SNX17: variants seen among roughly 807,000 people sequenced by gnomAD.
SNX17 encodes the protein sorting nexin 17.
SNX17 carries 35 observed loss-of-function variants against 64.3 expected under a neutral mutation model. The ratio of observed to expected loss-of-function variants is 0.54; its 90% CI spans 0.42 to 0.72. SNX17 has a LOEUF of 0.72. SNX17 is among the 30% of genes least tolerant of loss of function. The pLI is 0.00. For missense variants in SNX17, 538 were observed against 610.0 expected (o/e 0.88, Z 1.24); for synonymous variants, 259 against 230.2 (o/e 1.13, Z -1.13).
chr2:27,376,607 G>C lies in SNX17; in HGVS notation c.1301G>C (p.Ser434Thr), dbSNP rs1167627798. Reference protein sequence around the residue: ...ATRESMVKLSSKLSAVSLRGI... With the variant: ...ATRESMVKLSTKLSAVSLRGI... ...GACCCCACCCTGCCTTTGTTACAGAGTAAGCTGAGTGCCGTGAGCTTGCGG... is the reference window on the plus strand; with the variant it reads ...GACCCCACCCTGCCTTTGTTACAGACTAAGCTGAGTGCCGTGAGCTTGCGG... Residue 434 changes from serine (S) to threonine (T), a missense_variant and splice_region_variant, in exon 15 of 15, where the codon AGT (serine) becomes ACT (threonine). By Grantham distance (58) the Ser-to-Thr change is moderately conservative. Around this residue, in one of 3 missense-constraint regions of SNX17, gnomAD observed 505 missense variants for 550.4 expected, o/e 0.92. Transcript: ENST00000233575. The C allele has an allele frequency of 1.9e-6, 3 of 1,614,210 alleles. No individual in the cohort carries two copies. Among genetic ancestry groups the C allele is most frequent in the Non-Finnish European group, 2.5e-6 (3 of 1,180,036 alleles).
chr2:27,370,792 G>A lies in SNX17; in HGVS notation c.49G>A (p.Gly17Ser), dbSNP rs1358705877. Residue 17 changes from glycine (G) to serine (S), a missense_variant, in exon 1 of 15, where the codon GGC (glycine) becomes AGC (serine). Coordinates refer to ENST00000233575, the MANE Select transcript of SNX17 (RefSeq NM_014748.4). Reference sequence around the variant, plus strand: ...CGAGTCCCGCAGCGGGGACAGCGGCGGCTCCGCCTACGTGGTGAGGAGCGG... The same window carrying A: ...CGAGTCCCGCAGCGGGGACAGCGGCAGCTCCGCCTACGTGGTGAGGAGCGG... ...ETESRSGDSG[G>S]SAYVAYNIHV... 3 of 1,545,444 alleles carry A rather than the reference G, an allele frequency of 1.9e-6. No individual in the cohort carries two copies. The Admixed American group carries it at 5.9e-5, about 30-fold the overall frequency.
At position 27,374,731 on chromosome 2, in the gene SNX17, G is replaced by A; in HGVS notation, c.654G>A (p.Arg218=). The part of the protein sequence containing the change: ...SAYDDDVMEN[R]VGLNLLYAQT... ...ATGATGACGATGTCATGGAGAACCG[G>A]GTTGGCCTGAACCTGCTTTATGCTC... is the stretch of plus-strand genomic sequence containing the variant. The change falls in exon 8 of 15, where the codon CGG becomes CGA. Residue 218 remains arginine, a synonymous_variant. Transcript: ENST00000233575. 6.2e-7 allele frequency: 1 copy of A among 1,614,126 alleles called. No homozygotes were observed. Among genetic ancestry groups the A allele is most frequent in the South Asian group, 1.1e-5 (1 of 91,084 alleles).
At chr2:27,373,437 A>G (rs1247961573) in intron 4 of SNX17, 126 bp downstream of exon 4, 13 of 919,130 alleles carry the variant, frequency 1.4e-5, no homozygotes, top group East Asian at 1.4e-4. Context: ...ATCTCAGCTC[A>G]CTGCAATCTC....
Position 27,374,099 on chromosome 2 carries a change from G to A in SNX17, c.447G>A (p.Lys149=). Reference sequence around the variant, plus strand: ...CCTATCCCCAGGCTGTAGCTGCAAAGCTGGATCTTCCAGATGACTTGATTG... The same window carrying A: ...CCTATCCCCAGGCTGTAGCTGCAAAACTGGATCTTCCAGATGACTTGATTG... ...TEDVLEAVAA[K]LDLPDDLIGY... is the part of the protein sequence containing the mutation. The change falls in exon 6 of 15, where the codon AAG becomes AAA. Residue 149 remains lysine, a synonymous_variant. Transcript: ENST00000233575. 6.2e-7 allele frequency: 1 copy of A among 1,614,210 alleles called. No individual in the cohort carries two copies. The highest frequency in any genetic ancestry group is 8.5e-7 in the Non-Finnish European group (1 of 1,180,026).
At position 27,377,225 on chromosome 2, in the gene SNX17, T is replaced by C; in HGVS notation, c.*506T>C. ...ATTGCCTGCCATTGCCAATTCAGCA[T>C]AGACATGGCTTTGTTAGTGTTTCCT... On this transcript the variant is annotated 3_prime_UTR_variant, in exon 15 of 15. Coordinates refer to ENST00000233575, the MANE Select transcript of SNX17 (RefSeq NM_014748.4). This position sits in a 1 kb window ranked among gnomAD's most constrained non-coding sequence, Gnocchi z 4.4. 1 of 525,422 alleles carries C rather than the reference T, an allele frequency of 1.9e-6. No homozygotes were observed. Among genetic ancestry groups the C allele is most frequent in the Non-Finnish European group, 3.5e-6 (1 of 288,828 alleles). 32.5% of individuals were successfully genotyped at this position (525,422 alleles called of 1,614,324 possible). A position where few individuals can be genotyped will look rare whatever the true frequency, so the allele number is the denominator to read the frequency against.
chr2:27,371,128 G>T, intron 1 of SNX17, 141 bp from the exon 2 acceptor site: 1 of 791,582 alleles, frequency 1.3e-6, no homozygotes, highest in Non-Finnish European at 2.1e-6. Flanking sequence ...TTGGGACTTG[G>T]CCCTGGCGAA....
chr2:27,374,872 A>G (rs1488942491), intron 8 of SNX17, 114 bp downstream of exon 8: 5 of 1,082,414 alleles, frequency 4.6e-6, no homozygotes, highest in Middle Eastern at 2.0e-4. Context: ...AGTTCCTAGA[A>G]TACTATCAGT....
rs1683341434 is a variant in SNX17, at chr2:27,377,232, G to A, written c.*513G>A. On this transcript the variant is annotated 3_prime_UTR_variant, in exon 15 of 15. Coordinates refer to ENST00000233575, the MANE Select transcript of SNX17 (RefSeq NM_014748.4). This position sits in a 1 kb window ranked among gnomAD's most constrained non-coding sequence, Gnocchi z 4.4. ...GCCATTGCCAATTCAGCATAGACAT[G>A]GCTTTGTTAGTGTTTCCTTTATTAT... 1 of 539,072 alleles carries A rather than the reference G, an allele frequency of 1.9e-6. No individual in the cohort carries two copies. Among genetic ancestry groups the A allele is most frequent in the African/African-American group, 1.9e-5 (1 of 52,682 alleles). The allele number at this position is 539,072 out of a possible 1,614,324, so 33.4% of individuals were successfully genotyped here. A position where few individuals can be genotyped will look rare whatever the true frequency, so the allele number is the denominator to read the frequency against.
Position 27,374,497 on chromosome 2 carries a change from C to T in SNX17, c.611+64C>T, listed in dbSNP as rs1024431502. 11 of 1,447,756 alleles carry T rather than the reference C, an allele frequency of 7.6e-6. No individual in the cohort carries two copies. In the South Asian group the frequency reaches 9.2e-5, roughly 12 times the overall value. 89.7% of individuals were successfully genotyped at this position (1,447,756 alleles called of 1,614,324 possible). The stretch of plus-strand genomic sequence containing the variant: ...TGTGCTGGATTGGATTATTGGGCCA[C>T]ATATTGAGACAGAATAATCTGGACA... On this transcript the variant is annotated intron_variant, in intron 7 of 14. Coordinates refer to ENST00000233575, the MANE Select transcript of SNX17 (RefSeq NM_014748.4).
chr2:27,370,738 G>T lies in SNX17; in HGVS notation c.-6G>T. 6.5e-7 allele frequency: 1 copy of T among 1,548,408 alleles called. No homozygotes were observed. The highest frequency in any genetic ancestry group is 1.2e-5 in the South Asian group (1 of 83,888). On this transcript the variant is annotated 5_prime_UTR_variant, in exon 1 of 15. The change creates a new upstream start codon in the 5' untranslated region. Coordinates refer to ENST00000233575, the MANE Select transcript of SNX17 (RefSeq NM_014748.4). ...CGGAGCCCGGCCGTGCCGTGCCGTAGGGAACATGCACTTTTCCATTCCCGA... is the reference window on the plus strand; with the variant it reads ...CGGAGCCCGGCCGTGCCGTGCCGTATGGAACATGCACTTTTCCATTCCCGA...
At chr2:27,372,345 C>A (rs1177859311) in intron 2 of SNX17, among the ~76,000 whole-genome samples, 1 of 152,172 alleles carries the variant, frequency 6.6e-6, no homozygotes, top group Non-Finnish European at 1.5e-5. Context: ...GCTAGGTGGT[C>A]AAGGGGCTCC....
Position 27,376,643 on chromosome 2 carries a change from G to T in SNX17, c.1337G>T (p.Ser446Ile), listed in dbSNP as rs1236374589. The T allele has an allele frequency of 1.2e-6, 2 of 1,614,206 alleles. No homozygotes were observed. Among genetic ancestry groups the T allele is most frequent in the Non-Finnish European group, 1.7e-6 (2 of 1,180,030 alleles). ...LSAVSLRGIGSPSTDASASDV... is the reference protein window; with the variant it reads ...LSAVSLRGIGIPSTDASASDV... ...GCCGTGAGCTTGCGGGGAATTGGCA[G>T]TCCCAGCACAGATGCCAGTGCCAGT... The change falls in exon 15 of 15, where the codon AGT (serine) becomes ATT (isoleucine). Residue 446 changes from serine to isoleucine, a missense_variant. By Grantham distance (142) the Ser-to-Ile change is moderately radical. This residue lies in a region of SNX17 where 505 missense variants were observed against 550.4 expected (regional missense o/e 0.92). Transcript: ENST00000233575.
At position 27,370,682 on chromosome 2, in the gene SNX17, A is replaced by C; in HGVS notation, c.-62A>C. 6.7e-7 allele frequency: 1 copy of C among 1,493,750 alleles called. No homozygotes were observed. The highest frequency in any genetic ancestry group is 9.0e-7 in the Non-Finnish European group (1 of 1,115,286). 92.5% of individuals were successfully genotyped at this position (1,493,750 alleles called of 1,614,324 possible). A position where few individuals can be genotyped will look rare whatever the true frequency, so the allele number is the denominator to read the frequency against. The stretch of plus-strand genomic sequence containing the variant: ...GGGACTCGCTGAGCAGCGGAGGGGG[A>C]GCGTGCAGAGCCGCTGCGGCCCTCA... On this transcript the variant is annotated 5_prime_UTR_variant, in exon 1 of 15. Transcript: ENST00000233575.
At chr2:27,374,454 G>GGGA (rs771661612) in intron 7 of SNX17, 21 bp downstream of exon 7, 32 of 1,585,552 alleles carry the variant, frequency 2.0e-5, no homozygotes, top group Non-Finnish European at 2.6e-5. Context: ...GGCCTGGAAG[G>GGGA]GGAGGGGTGG....
rs201434282 is a variant in SNX17, at chr2:27,376,412, C to G, written c.1257+25C>G. The stretch of plus-strand genomic sequence containing the variant: ...TGTAAGTATTACCTCCTGGTCAGAA[C>G]CCTGGCTCTCAGCCCTGCCTCACCT... On this transcript the variant is annotated intron_variant, in intron 13 of 14. Transcript: ENST00000233575. 628 of 1,614,046 alleles carry G rather than the reference C, an allele frequency of 3.9e-4. No individual in the cohort carries two copies. In the African/African-American group the frequency reaches 6.6e-3, roughly 17 times the overall value.
intron 1 of SNX17, 31 bp from the exon 2 acceptor site, chr2:27,371,238 C>T (rs770219211): frequency 6.2e-6 from 10 of 1,608,638 alleles, no homozygotes; most frequent in Middle Eastern, 1.6e-4. Context: ...GACCGCAACC[C>T]TAAAATGCTT....
chr2:27,376,955 A>G lies in SNX17; in HGVS notation c.*236A>G, dbSNP rs1683311465. On this transcript the variant is annotated 3_prime_UTR_variant, in exon 15 of 15. Coordinates refer to ENST00000233575, the MANE Select transcript of SNX17 (RefSeq NM_014748.4). ...CCTCGATGCCAAATTAGCATTTAGT[A>G]TTTTGCACAAAGTCTAAGGGACCAT... 1 of 542,950 alleles carries G rather than the reference A, an allele frequency of 1.8e-6. No individual in the cohort carries two copies. Among genetic ancestry groups the G allele is most frequent in the African/African-American group, 1.9e-5 (1 of 52,560 alleles). The allele number at this position is 542,950 out of a possible 1,614,324, so 33.6% of individuals were successfully genotyped here.
chr2:27,377,522 A>G lies in SNX17; in HGVS notation c.*803A>G, dbSNP rs1683378690. 1.9e-6 allele frequency: 3 copies of G among 1,612,870 alleles called. No individual in the cohort carries two copies. Among genetic ancestry groups the G allele is most frequent in the South Asian group, 2.2e-5 (2 of 91,078 alleles). ...GGTGGCTTCTGGTCCGTCTGTATAA[A>G]ACATGGGGAAGAAGGACCTAGTTCA... On this transcript the variant is annotated 3_prime_UTR_variant, in exon 15 of 15. Coordinates refer to ENST00000233575, the MANE Select transcript of SNX17 (RefSeq NM_014748.4). This position sits in a 1 kb window ranked among gnomAD's most constrained non-coding sequence, Gnocchi z 4.4.
chr2:27,371,890 A>G (rs778674658), intron 2 of SNX17, among the ~76,000 whole-genome samples: 1 of 151,776 alleles, frequency 6.6e-6, no homozygotes, highest in Non-Finnish European at 1.5e-5. Context: ...AAGTTACCTG[A>G]TATCTTTTTT....
Sources: allele counts gnomAD v4.1 joint callset (sites outside exome capture counted in the v4.1 genomes callset), GRCh38; gene constraint gnomAD v4.1.1; regional missense constraint gnomAD v4.1.1; non-coding constraint Gnocchi (gnomAD v3.1); transcripts MANE v1.5; gene names NCBI Gene and HGNC (gene_info 2026-07-23, HGNC 2026-07-21).